WASHC5: variants seen among roughly 807,000 people sequenced by gnomAD.
WASHC5 encodes the protein WASH complex subunit 5, also known as WASH complex subunit strumpellin.
In WASHC5, 101 loss-of-function variants were observed where a neutral mutation model predicts 150.4. The ratio of observed to expected loss-of-function variants is 0.67; its 90% CI spans 0.57 to 0.79. The LOEUF (loss-of-function observed/expected upper bound fraction) is 0.79, where lower values mean the gene tolerates loss of function less well. Ranked by LOEUF, WASHC5 falls within the 30% of genes least tolerant of loss-of-function variation. The pLI, the probability that WASHC5 is intolerant of heterozygous loss-of-function variation, is 0.00. For synonymous variants in WASHC5, 467 were observed against 491.2 expected (o/e 0.95, Z 0.65); for missense variants, 1,195 against 1,396.3 (o/e 0.86, Z 2.30).
rs775569462 is a variant in WASHC5, at chr8:125,049,033, T to C, written c.2352A>G (p.Gln784=). 6.2e-7 allele frequency: 1 copy of C among 1,613,456 alleles called. No individual in the cohort carries two copies. Among genetic ancestry groups the C allele is most frequent in the East Asian group, 2.2e-5 (1 of 44,866 alleles). Reference sequence around the variant, plus strand: ...TCGTTCTTAGAAAGTTATTACACTCTTGCTCCACGTTGTAATTTATGATAC... The same window carrying C: ...TCGTTCTTAGAAAGTTATTACACTCCTGCTCCACGTTGTAATTTATGATAC... ...VSRIINYNVE[Q]ECNNFLRTKI... Residue 784 remains glutamine (Q), a synonymous_variant, in exon 19 of 29, where the codon CAA becomes CAG. Transcript: ENST00000318410.
intron 3 of WASHC5, 90 bp downstream of exon 3, chr8:125,083,023 G>A: frequency 1.2e-6 from 1 of 861,224 alleles, no homozygotes; most frequent in Non-Finnish European, 1.9e-6. Flanking sequence ...AAATTTTGTA[G>A]TAACTCAGAG....
At chr8:125,086,012 A>G (rs1817409475) in intron 1 of WASHC5, among the ~76,000 whole-genome samples, 1 of 152,126 alleles carries the variant, frequency 6.6e-6, no homozygotes, top group African/African-American at 2.4e-5. Flanking sequence ...CTGGTTGCCA[A>G]AGATGGCTCC....
Position 125,057,488 on chromosome 8 carries a change from G to C in WASHC5, c.1875+68C>G, listed in dbSNP as rs1816443818. On this transcript the variant is annotated intron_variant, in intron 15 of 28. Transcript: ENST00000318410. Reference sequence around the variant, plus strand: ...ACGGATATACTTTTGGGGGGCCTAAGCATACTTTTTGTATTTAAAACAGCA... The same window carrying C: ...ACGGATATACTTTTGGGGGGCCTAACCATACTTTTTGTATTTAAAACAGCA... 3.0e-5 allele frequency: 32 copies of C among 1,058,928 alleles called. No homozygotes were observed. In the South Asian group the frequency reaches 3.6e-4, roughly 12 times the overall value. 65.6% of individuals were successfully genotyped at this position (1,058,928 alleles called of 1,614,324 possible).
At chr8:125,079,185 C>CTTTTTTTTTTTT (rs34211379) in intron 5 of WASHC5, among the ~76,000 whole-genome samples, 2 of 57,560 alleles carry the variant, frequency 3.5e-5, no homozygotes, top group Admixed American at 3.0e-4. Context: ...TATATATAAC[C>CTTTTTTTTTTTT]TTTTTTTTTT....
In WASHC5 at chr8:125,074,988, T is replaced by C; in HGVS notation, c.978+10A>G. ...CAGTTATCAGAGAATGTCCCCAGAT[T>C]AGAACCTACCTGTTCTCTGACATTT... On this transcript the variant is annotated intron_variant, in intron 8 of 28. Coordinates refer to ENST00000318410, the MANE Select transcript of WASHC5 (RefSeq NM_014846.4). The C allele has an allele frequency of 6.6e-7, 1 of 1,518,130 alleles. No individual in the cohort carries two copies. Among genetic ancestry groups the C allele is most frequent in the South Asian group, 1.1e-5 (1 of 89,112 alleles). The allele number at this position is 1,518,130 out of a possible 1,614,324, so 94.0% of individuals were successfully genotyped here.
intron 6 of WASHC5, among the ~76,000 whole-genome samples, chr8:125,077,619 A>T (rs1450540585): frequency 6.6e-6 from 1 of 152,192 alleles, no homozygotes; most frequent in Non-Finnish European, 1.5e-5. Flanking sequence ...GGCAATCAGG[A>T]ATGAGATGCT....
At chr8:125,037,425 T>C in intron 25 of WASHC5, 92 bp from the exon 26 acceptor site, 1 of 831,998 alleles carries the variant, frequency 1.2e-6, no homozygotes, top group Non-Finnish European at 2.1e-6. Context: ...CCATTTTACT[T>C]CAATTTGCTC....
At chr8:125,069,109 GTTATGAGGGGTCCACCC>G (rs1782451687) in intron 9 of WASHC5, among the ~76,000 whole-genome samples, 1 of 152,192 alleles carries the variant, frequency 6.6e-6, no homozygotes, top group South Asian at 2.1e-4. Flanking sequence ...AGGCAATTGT[GTTATGAGGGGTCCACCC>G]TCATGAATGG....
rs747513180 is a variant in WASHC5 at position 125,047,156 on chromosome 8, G to T, written c.2504+51C>A. On this transcript the variant is annotated intron_variant, in intron 20 of 28. Coordinates refer to ENST00000318410, the MANE Select transcript of WASHC5 (RefSeq NM_014846.4). The stretch of plus-strand genomic sequence containing the variant: ...GCTGTGCCACAGGGCCACAGATGCA[G>T]ATGAGACTGCCTGCAGTATTCAGGG... The T allele has an allele frequency of 4.3e-6, 7 of 1,610,534 alleles. No homozygotes were observed. In the African/African-American group the frequency reaches 8.0e-5, roughly 18 times the overall value.
intron 22 of WASHC5, 36 bp from the exon 23 acceptor site, chr8:125,043,940 T>C (rs769476066): frequency 2.0e-5 from 31 of 1,580,330 alleles, no homozygotes; most frequent in Non-Finnish European, 2.6e-5. Context: ...CTTTAGTACA[T>C]TCGTAAAGGC....
intron 1 of WASHC5, among the ~76,000 whole-genome samples, chr8:125,086,470 C>T (rs1350559225): frequency 1.3e-5 from 2 of 152,150 alleles, no homozygotes; most frequent in African/African-American, 4.8e-5. Context: ...TCCAAATTTC[C>T]TCTTCATACA....
At chr8:125,077,654 A>G (rs971472088) in intron 6 of WASHC5, among the ~76,000 whole-genome samples, 3 of 152,240 alleles carry the variant, frequency 2.0e-5, no homozygotes, top group African/African-American at 7.2e-5. Flanking sequence ...ACCAAATTCA[A>G]GTTATGGTTC....
intron 23 of WASHC5, among the ~76,000 whole-genome samples, chr8:125,041,135 A>T (rs1815871894): frequency 6.6e-6 from 1 of 152,208 alleles, no homozygotes; most frequent in African/African-American, 2.4e-5. Context: ...TTGAGAGTTC[A>T]GTTTGCCCTC....
intron 12 of WASHC5, among the ~76,000 whole-genome samples, chr8:125,060,304 T>C (rs1299117810): frequency 6.6e-6 from 1 of 152,086 alleles, no homozygotes; most frequent in Non-Finnish European, 1.5e-5. Context: ...CTGGCTAACA[T>C]GGTGAAACCC....
At chr8:125,084,073 T>C in intron 1 of WASHC5, 51 bp from the exon 2 acceptor site, 2 of 636,764 alleles carry the variant, frequency 3.1e-6, no homozygotes, top group Non-Finnish European at 5.5e-6. Flanking sequence ...AGGAAGCACA[T>C]GTGTACACAT....
At chr8:125,056,494 A>G (rs916016512) in intron 16 of WASHC5, among the ~76,000 whole-genome samples, 183 bp downstream of exon 16, 2 of 152,206 alleles carry the variant, frequency 1.3e-5, no homozygotes, top group Non-Finnish European at 2.9e-5. Flanking sequence ...ACACCAGGAA[A>G]ATGTCAAGAA....
intron 9 of WASHC5, among the ~76,000 whole-genome samples, 194 bp from the exon 10 acceptor site, chr8:125,067,913 C>G (rs574429577): frequency 3.0e-4 from 45 of 152,284 alleles, no homozygotes; most frequent in African/African-American, 8.7e-4. Flanking sequence ...ACAGTTGAAT[C>G]TGACATGGAG....
chr8:125,041,632 CTG>C (rs1815890652), intron 23 of WASHC5, among the ~76,000 whole-genome samples: 2 of 146,674 alleles, frequency 1.4e-5, no homozygotes, highest in South Asian at 4.3e-4. Context: ...CAGAGTGAGA[CTG>C]TCTCAAAAAA....
chr8:125,067,671 A>T lies in WASHC5; in HGVS notation c.1199T>A (p.Leu400Gln), dbSNP rs376137431. 7 of 1,613,806 alleles carry T rather than the reference A, an allele frequency of 4.3e-6. No homozygotes were observed. The highest frequency in any genetic ancestry group is 5.9e-6 in the Non-Finnish European group (7 of 1,179,816). ...CCTGGGATTGTACCGAGAGTCTGTTAGAATCTGGTCCTTGATTTGACGAAG... is the reference window on the plus strand; with the variant it reads ...CCTGGGATTGTACCGAGAGTCTGTTTGAATCTGGTCCTTGATTTGACGAAG... Reference protein sequence around the residue: ...KRLRQIKDQILTDSRYNPRIL... With the variant: ...KRLRQIKDQIQTDSRYNPRIL... The change falls in exon 10 of 29, where the codon CTA (leucine) becomes CAA (glutamine). Residue 400 changes from leucine (L) to glutamine (Q), a missense_variant. This residue lies in a region of WASHC5 where 997 missense variants were observed against 1,168.1 expected (regional missense o/e 0.85). Transcript: ENST00000318410.
Sources: gnomAD v4.1 joint callset for allele counts (sites outside exome capture counted in the v4.1 genomes callset) on GRCh38, gnomAD v4.1.1 for gene constraint, gnomAD v4.1.1 regional missense constraint, MANE v1.5 for transcripts, NCBI Gene and HGNC (gene_info 2026-07-23, HGNC 2026-07-21) for gene names.